The following FAM13A variants were observed in gnomAD, a reference collection of about 807,000 sequenced individuals.
FAM13A encodes the protein protein FAM13A.
In FAM13A, 76 loss-of-function variants were observed where a neutral mutation model predicts 129.6. The ratio of observed to expected loss-of-function variants is 0.59; its 90% CI spans 0.49 to 0.71. The LOEUF (loss-of-function observed/expected upper bound fraction) is 0.71. Among genes scored for constraint, FAM13A ranks in the 30% least tolerant of loss-of-function variants. The pLI is 0.00. For synonymous variants in FAM13A, 443 were observed against 449.9 expected, an observed-to-expected ratio of 0.98 and a Z score of 0.20; for missense variants, 1,108 against 1,249.3, an observed-to-expected ratio of 0.89 and a Z score of 1.70.
At chr4:88,731,472 G>A in intron 22 of FAM13A, 44 bp from the exon 23 acceptor site, 1 of 1,225,216 alleles carries the variant, frequency 8.2e-7, no homozygotes, top group African/African-American at 1.5e-5. Context: ...TTAAATTTGA[G>A]TTGTCATAAA....
chr4:88,823,908 A>T (rs1732545026), intron 7 of FAM13A, among the ~76,000 whole-genome samples: 1 of 152,152 alleles, frequency 6.6e-6, no homozygotes, highest in East Asian at 1.9e-4. Flanking sequence ...TCAACTTACT[A>T]TTTCTGCATT....
intron 5 of FAM13A, among the ~76,000 whole-genome samples, chr4:88,935,157 T>C (rs1270223414): frequency 6.6e-6 from 1 of 152,138 alleles, no homozygotes; most frequent in African/African-American, 2.4e-5. Flanking sequence ...CTGACCAGAG[T>C]CAGCTGAACA....
chr4:89,018,785 T>G (rs1313038357), intron 3 of FAM13A, among the ~76,000 whole-genome samples: 3 of 152,188 alleles, frequency 2.0e-5, no homozygotes, highest in Non-Finnish European at 2.9e-5. Context: ...ATCACTTGGG[T>G]AGTTTGAAGA....
chr4:89,039,662 C>T (rs758314643), intron 1 of FAM13A, among the ~76,000 whole-genome samples: 1 of 151,718 alleles, frequency 6.6e-6, no homozygotes, highest in Admixed American at 6.6e-5. Flanking sequence ...TTTGGGAGGC[C>T]GAGGCAGAAG....
At chr4:88,884,535 C>A (rs1431823177) in intron 6 of FAM13A, among the ~76,000 whole-genome samples, 1 of 152,084 alleles carries the variant, frequency 6.6e-6, no homozygotes, top group Non-Finnish European at 1.5e-5. Context: ...AAACCCACAG[C>A]CAACATTATA....
In FAM13A at chr4:88,805,573, T is replaced by C. The variant is rs1420289246; in HGVS notation, c.1008-521A>G. Among the ~76,000 whole-genome samples, 11 of 152,168 alleles carry C rather than the reference T, an allele frequency of 7.2e-5. 1 individual carries two copies. Among genetic ancestry groups the C allele is most frequent in the Non-Finnish European group, 1.5e-5 (1 of 68,028 alleles). Reference sequence around the variant, plus strand: ...TGTAGTTACTCTACTAAGTATTAACTAGTGTGTATAACATGAAAGGACACA... The same window carrying C: ...TGTAGTTACTCTACTAAGTATTAACCAGTGTGTATAACATGAAAGGACACA... On this transcript the variant is annotated intron_variant, in intron 7 of 23. Coordinates refer to ENST00000264344, the MANE Select transcript of FAM13A (RefSeq NM_014883.4).
intron 8 of FAM13A, among the ~76,000 whole-genome samples, chr4:88,796,894 C>A (rs1330785600): frequency 3.3e-5 from 5 of 152,014 alleles, no homozygotes; most frequent in South Asian, 2.1e-4. Flanking sequence ...GAATCCTATG[C>A]ACAATTCTAC....
intron 3 of FAM13A, 25 bp from the exon 4 acceptor site, chr4:88,991,175 T>C: frequency 6.3e-7 from 1 of 1,575,358 alleles, no homozygotes; most frequent in Non-Finnish European, 8.7e-7. Flanking sequence ...AATAAAAATG[T>C]TCTAAGGTAT....
At chr4:88,796,712 GTT>G (rs34620682) in intron 8 of FAM13A, among the ~76,000 whole-genome samples, 12 of 146,362 alleles carry the variant, frequency 8.2e-5, no homozygotes, top group African/African-American at 1.2e-4. Context: ...GTTCAACTAG[GTT>G]TTTTTTTTTT....
intron 23 of FAM13A, chr4:88,729,783 C>T (rs752923704): frequency 6.6e-5 from 10 of 152,142 alleles, no homozygotes; most frequent in Non-Finnish European, 1.5e-4. Context: ...CGTAATTCTA[C>T]ATGTATAAGA....
intron 13 of FAM13A, among the ~76,000 whole-genome samples, chr4:88,760,561 G>A (rs1288602152): frequency 4.7e-5 from 1 of 21,188 alleles, no homozygotes; most frequent in African/African-American, 8.6e-5. Flanking sequence ...CCGAGGTCGC[G>A]CCACTGCACT....
chr4:88,775,163 A>G (rs1236691366), intron 11 of FAM13A, among the ~76,000 whole-genome samples: 2 of 152,192 alleles, frequency 1.3e-5, no homozygotes, highest in Admixed American at 6.5e-5. Context: ...TCATTGTGGT[A>G]TGAGGACAAG....
At chr4:89,042,118 T>C (rs939808633) in intron 1 of FAM13A, among the ~76,000 whole-genome samples, 4 of 152,134 alleles carry the variant, frequency 2.6e-5, no homozygotes, top group Non-Finnish European at 5.9e-5. Flanking sequence ...TAAATAGACG[T>C]TGCTGGGACC....
At chr4:88,767,816 T>A (rs1423183313) in intron 12 of FAM13A, among the ~76,000 whole-genome samples, 167 bp downstream of exon 12, 1 of 152,198 alleles carries the variant, frequency 6.6e-6, no homozygotes, top group African/African-American at 2.4e-5. Flanking sequence ...TCAATAGCAC[T>A]GTGATAGATT....
chr4:88,796,884 G>C (rs11721338), intron 8 of FAM13A, among the ~76,000 whole-genome samples: 41,169 of 151,690 alleles, frequency 0.27, 6,527 homozygotes, highest in East Asian at 0.36. Flanking sequence ...CTGAATATAG[G>C]AATCCTATGC....
intron 4 of FAM13A, among the ~76,000 whole-genome samples, chr4:88,973,944 A>G (rs1451054900): frequency 6.6e-6 from 1 of 152,200 alleles, no homozygotes; most frequent in Non-Finnish European, 1.5e-5. Flanking sequence ...TCCTTCCCCC[A>G]GGTCAGTTAG....
At chr4:88,940,433 G>A (rs1375726476) in intron 4 of FAM13A, among the ~76,000 whole-genome samples, 1 of 152,174 alleles carries the variant, frequency 6.6e-6, no homozygotes, top group African/African-American at 2.4e-5. Context: ...TTATTTGCAA[G>A]CAATGGTTTG....
intron 7 of FAM13A, among the ~76,000 whole-genome samples, chr4:88,821,213 G>A (rs1171535881): frequency 1.3e-5 from 2 of 152,194 alleles, no homozygotes; most frequent in African/African-American, 2.4e-5. Context: ...TTACCTTCAG[G>A]AGGTTTATAA....
At chr4:88,870,228 G>A (rs979958783) in intron 6 of FAM13A, among the ~76,000 whole-genome samples, 15 of 152,148 alleles carry the variant, frequency 9.9e-5, no homozygotes, top group Non-Finnish European at 4.4e-5. Context: ...TGCAGAAGAT[G>A]GGTGATTTCT....
Sources: allele counts gnomAD v4.1 joint callset (sites outside exome capture counted in the v4.1 genomes callset), GRCh38; gene constraint gnomAD v4.1.1; transcripts MANE v1.5; gene names NCBI Gene and HGNC (gene_info 2026-07-23, HGNC 2026-07-21).